Variants in PDCD6IP observed in about 807,000 individuals in gnomAD.
The protein encoded by PDCD6IP is programmed cell death 6-interacting protein.
A neutral mutation model predicts 103.7 loss-of-function variants in PDCD6IP; 43 were observed. The ratio of observed to expected loss-of-function variants is 0.41; its 90% CI spans 0.32 to 0.53. The LOEUF (loss-of-function observed/expected upper bound fraction) is 0.53. PDCD6IP is among the 20% of genes least tolerant of loss of function. PDCD6IP has a pLI of 0.16. For missense variants in PDCD6IP, 871 were observed against 1,036.7 expected, an observed-to-expected ratio of 0.84 and a Z score of 2.20; for synonymous variants, 354 against 378.7, an observed-to-expected ratio of 0.93 and a Z score of 0.76.
At chr3:33,838,415 A>G in intron 9 of PDCD6IP, 88 bp downstream of exon 9, 1 of 1,224,304 alleles carries the variant, frequency 8.2e-7, no homozygotes, top group Non-Finnish European at 1.2e-6. Context: ...CTTAGAGCTA[A>G]ATGTCAAGAG....
intron 2 of PDCD6IP, among the ~76,000 whole-genome samples, chr3:33,813,010 A>G (rs900556448): frequency 3.9e-5 from 6 of 152,164 alleles, no homozygotes; most frequent in African/African-American, 1.4e-4. Flanking sequence ...TCAGGAGCAG[A>G]GAGAGAGTTT....
intron 1 of PDCD6IP, chr3:33,799,170 G>T (rs570564017): frequency 1.8e-6 from 1 of 567,048 alleles, no homozygotes; most frequent in African/African-American, 1.9e-5. Flanking sequence ...CTTGGTCGGC[G>T]AGGGCTCCGT....
At chr3:33,859,293 G>C (rs752906199) in intron 15 of PDCD6IP, among the ~76,000 whole-genome samples, 1 of 151,960 alleles carries the variant, frequency 6.6e-6, no homozygotes, top group African/African-American at 2.4e-5. Flanking sequence ...GGAGAATTCC[G>C]TAATAAAGCT....
intron 1 of PDCD6IP, among the ~76,000 whole-genome samples, chr3:33,803,061 C>A (rs1696511741): frequency 6.6e-6 from 1 of 152,150 alleles, no homozygotes; most frequent in African/African-American, 2.4e-5. Context: ...TTTGTTGAAA[C>A]CTCTTATATC....
In PDCD6IP at chr3:33,798,742, T is replaced by C. The variant is rs200697599; in HGVS notation, c.14T>C (p.Ile5Thr). The C allele has an allele frequency of 3.0e-4, 463 of 1,564,986 alleles. 1 individual carries two copies. The highest frequency in any genetic ancestry group is 4.1e-5 in the Non-Finnish European group (47 of 1,153,954). MATF[I>T]SVQLKKTSEV... Reference sequence around the variant, plus strand: ...GAGGCGCTGATCATGGCGACATTCATCTCGGTGCAGCTGAAAAAGACCTCA... The same window carrying C: ...GAGGCGCTGATCATGGCGACATTCACCTCGGTGCAGCTGAAAAAGACCTCA... Residue 5 changes from isoleucine (I) to threonine (T), a missense_variant, in exon 1 of 18, where the codon ATC becomes ACC. By Grantham distance (89) the Ile-to-Thr change is moderately conservative. This residue lies in a region of PDCD6IP where 114 missense variants were observed against 106.7 expected (regional missense o/e 1.07). Coordinates refer to ENST00000307296, the MANE Select transcript of PDCD6IP (RefSeq NM_013374.6).
chr3:33,838,257 A>G lies in PDCD6IP; in HGVS notation c.1111A>G (p.Asn371Asp), dbSNP rs200837933. Reference protein sequence around the residue: ...VSVQQSLAAYNQRKADLVNRS... With the variant: ...VSVQQSLAAYDQRKADLVNRS... ...AGTACAGCAGTCTTTGGCTGCCTAT[A>G]ATCAGAGGAAAGCCGATTTGGTTAA... The change falls in exon 9 of 18, where the codon AAT becomes GAT. Residue 371 changes from asparagine (N) to aspartate (D), a missense_variant. By Grantham distance (23) the Asn-to-Asp change is conservative. Coordinates refer to ENST00000307296, the MANE Select transcript of PDCD6IP (RefSeq NM_013374.6). 1.2e-6 allele frequency: 2 copies of G among 1,613,430 alleles called. No individual in the cohort carries two copies. The highest frequency in any genetic ancestry group is 4.5e-5 in the East Asian group (2 of 44,860).
chr3:33,869,162 T>C lies in PDCD6IP; in HGVS notation c.*2637T>C, dbSNP rs889000958. The stretch of plus-strand genomic sequence containing the variant: ...TATAAAAAATGTTTTCCATTTGAAC[T>C]TTACAGTTTGCAAAAGTGCTTTTAT... On this transcript the variant is annotated 3_prime_UTR_variant, in exon 18 of 18. Coordinates refer to ENST00000307296, the MANE Select transcript of PDCD6IP (RefSeq NM_013374.6). 20 of 152,360 alleles carry C rather than the reference T, an allele frequency of 1.3e-4. No individual in the cohort carries two copies. Among genetic ancestry groups the C allele is most frequent in the African/African-American group, 4.8e-4 (20 of 41,586 alleles). The allele number at this position is 152,360 out of a possible 1,614,324, so 9.4% of individuals were successfully genotyped here.
intron 16 of PDCD6IP, 135 bp from the exon 17 acceptor site, chr3:33,865,108 G>A (rs376906724): frequency 5.9e-5 from 34 of 579,076 alleles, no homozygotes; most frequent in Middle Eastern, 3.2e-4. Context: ...GTAATAAGCC[G>A]GTATTTAAGA....
At chr3:33,852,399 G>C in intron 12 of PDCD6IP, 89 bp from the exon 13 acceptor site, 2 of 1,435,714 alleles carry the variant, frequency 1.4e-6, no homozygotes, top group Non-Finnish European at 1.8e-6. Flanking sequence ...CTCTCAGCCC[G>C]AATGAACCTT....
At chr3:33,859,401 A>G (rs1030191215) in intron 15 of PDCD6IP, among the ~76,000 whole-genome samples, 6 of 152,204 alleles carry the variant, frequency 3.9e-5, no homozygotes, top group Non-Finnish European at 8.8e-5. Flanking sequence ...AAACAGAGTC[A>G]GGATATGACA....
At chr3:33,865,697 G>A (rs1039300544) in intron 17 of PDCD6IP, among the ~76,000 whole-genome samples, 2 of 152,118 alleles carry the variant, frequency 1.3e-5, no homozygotes, top group African/African-American at 4.8e-5. Context: ...AGTTTAGTAG[G>A]TGTTTCCTTG....
chr3:33,866,451 C>T lies in PDCD6IP; in HGVS notation c.2533C>T (p.Pro845Ser). The stretch of plus-strand genomic sequence containing the variant: ...GTATCACCAGAGTCCTGGACAGGCT[C>T]CATACCCGGGACCCCAGCAGCCTTC... Reference protein sequence around the residue: ...PVYHQSPGQAPYPGPQQPSYP... With the variant: ...PVYHQSPGQASYPGPQQPSYP... Residue 845 changes from proline to serine, a missense_variant, in exon 18 of 18, where the codon CCA (proline) becomes TCA (serine). Coordinates refer to ENST00000307296, the MANE Select transcript of PDCD6IP (RefSeq NM_013374.6). 2 of 1,612,228 alleles carry T rather than the reference C, an allele frequency of 1.2e-6. No homozygotes were observed. The highest frequency in any genetic ancestry group is 1.3e-5 in the African/African-American group (1 of 74,966).
chr3:33,853,394 A>G (rs1200569316), intron 13 of PDCD6IP, among the ~76,000 whole-genome samples: 1 of 152,234 alleles, frequency 6.6e-6, no homozygotes, highest in Non-Finnish European at 1.5e-5. Flanking sequence ...GCTAACATAC[A>G]TACAGACTTC....
At chr3:33,821,046 G>A (rs999878059) in intron 3 of PDCD6IP, among the ~76,000 whole-genome samples, 1 of 152,008 alleles carries the variant, frequency 6.6e-6, no homozygotes, top group Non-Finnish European at 1.5e-5. Context: ...TTGCTCTGAC[G>A]CTCAGGGTGA....
At chr3:33,806,126 T>C (rs1696592311) in intron 1 of PDCD6IP, among the ~76,000 whole-genome samples, 2 of 152,242 alleles carry the variant, frequency 1.3e-5, no homozygotes, top group Admixed American at 1.3e-4. Flanking sequence ...TAGTTTCTTT[T>C]TCCCCATGAG....
At chr3:33,800,720 G>A (rs1170620913) in intron 1 of PDCD6IP, among the ~76,000 whole-genome samples, 7 of 152,060 alleles carry the variant, frequency 4.6e-5, no homozygotes, top group African/African-American at 1.7e-4. Flanking sequence ...ATTCAGTGAG[G>A]ATTTTCCATT....
intron 1 of PDCD6IP, among the ~76,000 whole-genome samples, chr3:33,809,788 G>A (rs1052569290): frequency 6.6e-6 from 1 of 151,968 alleles, no homozygotes; most frequent in Non-Finnish European, 1.5e-5. Context: ...AGTTTTTCTC[G>A]TCTTTCATGA....
chr3:33,808,868 AT>A (rs1559771816), intron 1 of PDCD6IP, among the ~76,000 whole-genome samples: 1 of 151,998 alleles, frequency 6.6e-6, no homozygotes, highest in African/African-American at 2.4e-5. Flanking sequence ...ATCACTTACT[AT>A]TTTCTCCCTT....
chr3:33,865,559 TA>T, intron 17 of PDCD6IP, 129 bp downstream of exon 17: 4 of 643,646 alleles, frequency 6.2e-6, no homozygotes, highest in South Asian at 2.3e-5. Context: ...ACTGTCAGCT[TA>T]TCCAGAAATG....
Sources: allele counts gnomAD v4.1 joint callset (sites outside exome capture counted in the v4.1 genomes callset), GRCh38; gene constraint gnomAD v4.1.1; regional missense constraint gnomAD v4.1.1; transcripts MANE v1.5; gene names NCBI Gene and HGNC (gene_info 2026-07-23, HGNC 2026-07-21).